The following FGF12 variants were observed in gnomAD, a reference collection of about 807,000 sequenced individuals.
The protein encoded by FGF12 is fibroblast growth factor 12.
FGF12 carries 14 observed loss-of-function variants against 23.6 expected under a neutral mutation model. The ratio of observed to expected loss-of-function variants is 0.59; its 90% CI spans 0.39 to 0.93. FGF12 has a LOEUF of 0.93. FGF12 is among the 40% of genes least tolerant of loss of function. The pLI is 0.00. For missense variants in FGF12, 175 were observed against 217.8 expected (o/e 0.80, Z 1.24); for synonymous variants, 62 against 77.3 (o/e 0.80, Z 1.04).
chr3:192,486,589 A>G (rs1178027028), intron 2 of FGF12, among the ~76,000 whole-genome samples: 3 of 152,104 alleles, frequency 2.0e-5, no homozygotes, highest in African/African-American at 7.2e-5. Flanking sequence ...TGGCTCGAAA[A>G]TTGTGAGCAG....
intron 4 of FGF12, among the ~76,000 whole-genome samples, chr3:192,282,438 C>T (rs1487373177): frequency 6.6e-6 from 1 of 152,140 alleles, no homozygotes; most frequent in Non-Finnish European, 1.5e-5. Flanking sequence ...TTTGGATTCT[C>T]TTCCACTGTG....
At chr3:192,507,380 CAT>C (rs1254488200) in intron 2 of FGF12, among the ~76,000 whole-genome samples, 6 of 134,866 alleles carry the variant, frequency 4.4e-5, no homozygotes, top group Non-Finnish European at 6.6e-5. Flanking sequence ...CACACACACA[CAT>C]ACAAGCACAC....
intron 2 of FGF12, among the ~76,000 whole-genome samples, chr3:192,675,632 A>G (rs1717302893): frequency 6.6e-6 from 1 of 152,296 alleles, no homozygotes; most frequent in Non-Finnish European, 1.5e-5. Flanking sequence ...TAGATGAGGA[A>G]TCTGTTGCTC....
At chr3:192,459,855 G>A (rs1036427247) in intron 2 of FGF12, among the ~76,000 whole-genome samples, 10 of 151,720 alleles carry the variant, frequency 6.6e-5, no homozygotes, top group Non-Finnish European at 1.2e-4. Context: ...GTGTGTGTGT[G>A]TGTTTGTGTG....
At chr3:192,163,545 A>G (rs1209759109) in intron 5 of FGF12, among the ~76,000 whole-genome samples, 1 of 152,150 alleles carries the variant, frequency 6.6e-6, no homozygotes, top group Non-Finnish European at 1.5e-5. Context: ...TAGAAACACC[A>G]AATTCAGAAC....
intron 4 of FGF12, among the ~76,000 whole-genome samples, chr3:192,200,213 C>A (rs1717293456): frequency 6.6e-6 from 1 of 151,480 alleles, no homozygotes. Flanking sequence ...CCTGTAGTCC[C>A]AGCTACTCCG....
chr3:192,497,639 T>A (rs983093811), intron 2 of FGF12, among the ~76,000 whole-genome samples: 3 of 152,240 alleles, frequency 2.0e-5, no homozygotes, highest in African/African-American at 7.2e-5. Flanking sequence ...AGTTTTTTCC[T>A]GCTTCAGGAC....
At chr3:192,167,031 C>A (rs562971019) in intron 5 of FGF12, among the ~76,000 whole-genome samples, 1 of 151,670 alleles carries the variant, frequency 6.6e-6, no homozygotes, top group Non-Finnish European at 1.5e-5. Flanking sequence ...CAAAAGATGT[C>A]AATCAGAAAA....
intron 4 of FGF12, among the ~76,000 whole-genome samples, chr3:192,198,230 CT>C (rs1251568499): frequency 6.6e-6 from 1 of 152,122 alleles, no homozygotes; most frequent in African/African-American, 2.4e-5. Context: ...GAATGTTCAA[CT>C]TTTTTATGAC....
At chr3:192,367,036 G>C (rs899346121) in intron 2 of FGF12, among the ~76,000 whole-genome samples, 23 of 152,324 alleles carry the variant, frequency 1.5e-4, no homozygotes, top group Admixed American at 1.4e-3. Flanking sequence ...AAAAACTACA[G>C]GTCAGAGCAG....
At chr3:192,299,762 A>G (rs1464459048) in intron 4 of FGF12, among the ~76,000 whole-genome samples, 1 of 152,178 alleles carries the variant, frequency 6.6e-6, no homozygotes, top group Non-Finnish European at 1.5e-5. Flanking sequence ...CCAGACTATG[A>G]GGAGAACGAC....
At chr3:192,212,337 G>A (rs1717973557) in intron 4 of FGF12, among the ~76,000 whole-genome samples, 1 of 152,146 alleles carries the variant, frequency 6.6e-6, no homozygotes, top group Admixed American at 6.5e-5. Context: ...ACTGAGGACA[G>A]TGTAGGGAAG....
At chr3:192,443,978 C>T (rs1722278283) in intron 2 of FGF12, among the ~76,000 whole-genome samples, 1 of 152,172 alleles carries the variant, frequency 6.6e-6, no homozygotes. Context: ...TTATCCAGGA[C>T]TTACAGACCT....
chr3:192,263,451 T>C (rs1712884079), intron 4 of FGF12, among the ~76,000 whole-genome samples: 1 of 151,780 alleles, frequency 6.6e-6, no homozygotes, highest in Non-Finnish European at 1.5e-5. Flanking sequence ...TATACATGCA[T>C]TACAATTTGA....
chr3:192,407,973 GGAGAAA>G (rs1194370905), intron 2 of FGF12: 1 of 1,521,404 alleles, frequency 6.6e-7, no homozygotes, highest in African/African-American at 1.4e-5. Flanking sequence ...CTTTGAGGAG[GGAGAAA>G]GAGGGCGTCC....
In FGF12 at chr3:192,585,317, A is replaced by G. The variant is rs1335245154; in HGVS notation, c.13+141864T>C. Among the ~76,000 whole-genome samples the G allele has an allele frequency of 2.0e-5, 3 of 152,166 alleles. No individual in the cohort carries two copies. The East Asian group carries it at 5.8e-4, about 29-fold the overall frequency. On this transcript the variant is annotated intron_variant, in intron 2 of 5. Transcript: ENST00000445105. The stretch of plus-strand genomic sequence containing the variant: ...GGATATAACCCAGGTCTCTTCAACT[A>G]TAAATCTTTATATGTTCTACCATAT...
intron 2 of FGF12, among the ~76,000 whole-genome samples, chr3:192,366,516 G>A (rs1718991836): frequency 6.6e-6 from 1 of 152,014 alleles, no homozygotes; most frequent in Non-Finnish European, 1.5e-5. Flanking sequence ...TTTTACTGTT[G>A]TTTTATTTAT....
chr3:192,256,158 C>T (rs1249841281), intron 4 of FGF12, among the ~76,000 whole-genome samples: 1 of 152,060 alleles, frequency 6.6e-6, no homozygotes, highest in African/African-American at 2.4e-5. Flanking sequence ...TACAATGAGG[C>T]AGAGTCTTAC....
chr3:192,328,774 T>C lies in FGF12; in HGVS notation c.228+6587A>G, dbSNP rs984395659. On this transcript the variant is annotated intron_variant, in intron 4 of 5. Coordinates refer to ENST00000445105, the MANE Select transcript of FGF12 (RefSeq NM_004113.6). ...TAAACTCCTTATGACAGCTAACTAATTATGATTATAAGAGCAAACTATAAC... is the reference window on the plus strand; with the variant it reads ...TAAACTCCTTATGACAGCTAACTAACTATGATTATAAGAGCAAACTATAAC... 5.3e-5 allele frequency among the ~76,000 whole-genome samples: 8 copies of C among 152,328 alleles called. 2 individuals are homozygous for C.
Sources: gnomAD v4.1 joint callset for allele counts (sites outside exome capture counted in the v4.1 genomes callset) on GRCh38, gnomAD v4.1.1 for gene constraint, MANE v1.5 for transcripts, NCBI Gene and HGNC (gene_info 2026-07-23, HGNC 2026-07-21) for gene names.